The following IMMP2L variants were observed in gnomAD, a reference collection of about 807,000 sequenced individuals.
The protein encoded by IMMP2L is mitochondrial inner membrane protease subunit 2.
Under a neutral mutation model 19.3 loss-of-function variants are expected in IMMP2L, and 18 were observed. That is an observed-to-expected ratio of 0.93 (90% CI 0.64 to 1.38). The LOEUF is 1.38. Among genes scored for constraint, IMMP2L ranks in the 40% most tolerant of loss-of-function variants. IMMP2L has a pLI of 0.00. For synonymous variants in IMMP2L, 76 were observed against 73.0 expected (o/e 1.04, Z -0.21); for missense variants, 233 against 218.2 (o/e 1.07, Z -0.43).
At chr7:110,905,221 T>C (rs1812323667) in intron 4 of IMMP2L, among the ~76,000 whole-genome samples, 1 of 152,150 alleles carries the variant, frequency 6.6e-6, no homozygotes, top group Non-Finnish European at 1.5e-5. Context: ...TTTTGCAAGA[T>C]TCCCTTGTCA....
chr7:110,845,825 G>A lies in IMMP2L; in HGVS notation c.408+40768C>T, dbSNP rs114722979. On this transcript the variant is annotated intron_variant, in intron 5 of 5. Coordinates refer to ENST00000405709, the MANE Select transcript of IMMP2L (RefSeq NM_032549.4). Reference sequence around the variant, plus strand: ...AGGAGGTAATTAGGTCATGAGAGTGGAGCCCTCATGAACGAGACTAGTGCC... The same window carrying A: ...AGGAGGTAATTAGGTCATGAGAGTGAAGCCCTCATGAACGAGACTAGTGCC... Among the ~76,000 whole-genome samples, 811 of 152,208 alleles carry A rather than the reference G, an allele frequency of 5.3e-3. 5 individuals are homozygous for A. The highest frequency in any genetic ancestry group is 0.019 in the African/African-American group (777 of 41,526).
At chr7:111,205,608 A>T (rs1810613736) in intron 3 of IMMP2L, among the ~76,000 whole-genome samples, 1 of 152,164 alleles carries the variant, frequency 6.6e-6, no homozygotes. Context: ...TTAAATTTGT[A>T]AACTATCCAT....
chr7:111,243,450 T>C (rs898820630), intron 3 of IMMP2L, among the ~76,000 whole-genome samples: 1 of 152,006 alleles, frequency 6.6e-6, no homozygotes, highest in Non-Finnish European at 1.5e-5. Flanking sequence ...GTTTTACATA[T>C]ATAATTTTAA....
rs1791182618 is a variant in IMMP2L at position 110,662,857 on chromosome 7, TA to T, written c.*744del. On this transcript the variant is annotated 3_prime_UTR_variant, in exon 6 of 6. Transcript: ENST00000405709. ...ATGACTAAATGCGGATAAAGGGGTT[TA>T]CCCATCATTGTGAATAGGCATGAGA... 6.6e-6 allele frequency among the ~76,000 whole-genome samples: 1 copy of T among 152,226 alleles called. No individual in the cohort carries two copies. The highest frequency in any genetic ancestry group is 2.1e-4 in the South Asian group (1 of 4,838).
At chr7:111,058,458 G>T (rs564580141) in intron 3 of IMMP2L, among the ~76,000 whole-genome samples, 1 of 152,296 alleles carries the variant, frequency 6.6e-6, no homozygotes, top group East Asian at 1.9e-4. Flanking sequence ...CTTGGTGTTT[G>T]TAGGACACAG....
At chr7:110,849,093 T>C (rs1035044988) in intron 5 of IMMP2L, among the ~76,000 whole-genome samples, 1 of 152,130 alleles carries the variant, frequency 6.6e-6, no homozygotes, top group African/African-American at 2.4e-5. Context: ...TGTGTCAATG[T>C]ATGCTCATCA....
At chr7:111,243,397 G>A (rs914564097) in intron 3 of IMMP2L, among the ~76,000 whole-genome samples, 2 of 151,872 alleles carry the variant, frequency 1.3e-5, no homozygotes, top group African/African-American at 2.4e-5. Context: ...TTATATTCTT[G>A]CATGGACTAG....
chr7:111,243,527 T>TC (rs912470968), intron 3 of IMMP2L, among the ~76,000 whole-genome samples: 1 of 150,278 alleles, frequency 6.7e-6, no homozygotes, highest in Non-Finnish European at 1.5e-5. Context: ...TTTTTTTTTT[T>TC]TATTATACTC....
intron 5 of IMMP2L, among the ~76,000 whole-genome samples, chr7:110,835,732 G>A (rs1804390481): frequency 6.6e-6 from 1 of 151,450 alleles, no homozygotes; most frequent in Admixed American, 6.6e-5. Context: ...TTGCATATAT[G>A]ACACTGTATT....
chr7:111,197,563 C>A (rs1809646083), intron 3 of IMMP2L, among the ~76,000 whole-genome samples: 3 of 152,066 alleles, frequency 2.0e-5, no homozygotes, highest in Admixed American at 2.0e-4. Flanking sequence ...TATCTCCATA[C>A]GTCTTTAAAA....
intron 3 of IMMP2L, among the ~76,000 whole-genome samples, chr7:111,056,896 G>A (rs1793559782): frequency 6.6e-6 from 1 of 152,132 alleles, no homozygotes; most frequent in Non-Finnish European, 1.5e-5. Context: ...AGGGGTGGCA[G>A]AGACAGAGGA....
intron 3 of IMMP2L, among the ~76,000 whole-genome samples, chr7:111,140,972 C>T (rs976095144): frequency 2.0e-5 from 3 of 152,096 alleles, no homozygotes; most frequent in African/African-American, 7.2e-5. Context: ...AGACATAGTA[C>T]AGAACTTGGG....
At chr7:111,001,041 T>C (rs897950734) in intron 3 of IMMP2L, among the ~76,000 whole-genome samples, 2 of 152,162 alleles carry the variant, frequency 1.3e-5, no homozygotes, top group African/African-American at 4.8e-5. Flanking sequence ...ATGATACTGA[T>C]TGGCCATTTC....
At chr7:110,668,648 T>C (rs909182812) in intron 5 of IMMP2L, among the ~76,000 whole-genome samples, 2 of 152,200 alleles carry the variant, frequency 1.3e-5, no homozygotes, top group South Asian at 2.1e-4. Context: ...ATTTTAAACA[T>C]TTATTAAGGC....
At chr7:110,830,634 C>T (rs915724485) in intron 5 of IMMP2L, among the ~76,000 whole-genome samples, 1 of 152,098 alleles carries the variant, frequency 6.6e-6, no homozygotes, top group Non-Finnish European at 1.5e-5. Flanking sequence ...ATGTGAGAGG[C>T]TAATACCATG....
intron 3 of IMMP2L, among the ~76,000 whole-genome samples, chr7:111,331,559 T>A (rs1470761020): frequency 1.3e-5 from 2 of 151,890 alleles, no homozygotes; most frequent in African/African-American, 4.8e-5. Flanking sequence ...GAGAGTAACA[T>A]TCAAATGTTC....
intron 2 of IMMP2L, among the ~76,000 whole-genome samples, chr7:111,490,390 T>C (rs982208872): frequency 1.3e-5 from 2 of 150,816 alleles, no homozygotes; most frequent in African/African-American, 2.4e-5. Context: ...AGCGCTGAGA[T>C]TACAGGTAGG....
intron 3 of IMMP2L, among the ~76,000 whole-genome samples, chr7:111,046,959 C>T (rs1021306002): frequency 2.0e-5 from 3 of 151,984 alleles, no homozygotes; most frequent in African/African-American, 7.3e-5. Context: ...AAAACCAGGG[C>T]CCATGGAAGC....
intron 5 of IMMP2L, among the ~76,000 whole-genome samples, chr7:110,886,354 C>G (rs767469210): frequency 6.6e-6 from 1 of 151,870 alleles, no homozygotes; most frequent in Non-Finnish European, 1.5e-5. Context: ...TTTTTTGGTA[C>G]TTTGTTGAAG....
Sources: gnomAD v4.1 joint callset for allele counts (sites outside exome capture counted in the v4.1 genomes callset) on GRCh38, gnomAD v4.1.1 for gene constraint, MANE v1.5 for transcripts, NCBI Gene and HGNC (gene_info 2026-07-23, HGNC 2026-07-21) for gene names.